The following SLCO5A1 variants were observed in gnomAD, a reference collection of about 807,000 sequenced individuals.
The protein encoded by SLCO5A1 is organic anion transporter polypeptide-related protein 4.
SLCO5A1 carries 39 observed loss-of-function variants against 65.1 expected under a neutral mutation model. The ratio of observed to expected loss-of-function variants is 0.60; its 90% CI spans 0.46 to 0.78. SLCO5A1 has a LOEUF of 0.78. Ranked by LOEUF, SLCO5A1 falls within the 30% of genes least tolerant of loss-of-function variation. SLCO5A1 has a pLI of 0.00. For missense variants in SLCO5A1, 1,029 were observed against 1,069.4 expected (o/e 0.96, Z 0.53); for synonymous variants, 438 against 415.7 (o/e 1.05, Z -0.65).
chr8:69,802,193 T>C (rs1420263627), intron 2 of SLCO5A1, among the ~76,000 whole-genome samples: 2 of 152,106 alleles, frequency 1.3e-5, no homozygotes, highest in Admixed American at 1.3e-4. Flanking sequence ...CTTAGAAAAT[T>C]CTTCAATAAA....
rs1816636875 is a variant in SLCO5A1 at position 69,738,085 on chromosome 8, C to T, written c.1378G>A (p.Glu460Lys). The T allele has an allele frequency of 1.2e-6, 2 of 1,613,774 alleles. No individual in the cohort carries two copies. The highest frequency in any genetic ancestry group is 1.7e-6 in the Non-Finnish European group (2 of 1,179,816). Residue 460 changes from glutamate to lysine, a missense_variant, in exon 5 of 10, where the codon GAG (glutamate) becomes AAG (lysine). Physicochemically the swap from Glu to Lys is moderately conservative, Grantham distance 56. Around this residue, in one of 3 missense-constraint regions of SLCO5A1, gnomAD observed 647 missense variants for 647.5 expected, o/e 1.00. Coordinates refer to ENST00000260126, the MANE Select transcript of SLCO5A1 (RefSeq NM_030958.3). The stretch of plus-strand genomic sequence containing the variant: ...GAGGCTGGGATACCAAACTGTGACT[C>T]GATGAACTTGGGAATGAAGGTAATG... ...AFITFIPKFI[E>K]SQFGIPASNA...
At chr8:69,795,797 C>T (rs868011738) in intron 2 of SLCO5A1, among the ~76,000 whole-genome samples, 3 of 152,206 alleles carry the variant, frequency 2.0e-5, no homozygotes, top group Non-Finnish European at 4.4e-5. Context: ...ATGAGGGCTC[C>T]GACCCTGCAG....
intron 2 of SLCO5A1, among the ~76,000 whole-genome samples, chr8:69,814,799 A>G (rs1648854442): frequency 6.6e-6 from 1 of 151,960 alleles, no homozygotes; most frequent in Non-Finnish European, 1.5e-5. Flanking sequence ...ATGAATGGAT[A>G]TAGAAAACTA....
At chr8:69,717,708 T>C (rs1444709160) in intron 5 of SLCO5A1, among the ~76,000 whole-genome samples, 1 of 152,226 alleles carries the variant, frequency 6.6e-6, no homozygotes, top group Admixed American at 6.5e-5. Context: ...ATCCTAATAA[T>C]ATTAAGTCTT....
intron 5 of SLCO5A1, among the ~76,000 whole-genome samples, chr8:69,714,208 G>A (rs1396048904): frequency 6.8e-6 from 1 of 146,234 alleles, no homozygotes; most frequent in Non-Finnish European, 1.5e-5. Context: ...ATTAATTTAA[G>A]GTACCTTTTT....
Position 69,738,123 on chromosome 8 carries a change from A to G in SLCO5A1, c.1340T>C (p.Ile447Thr), listed in dbSNP as rs374877005. Reference protein sequence around the residue: ...VSLSYTAESAIVTAFITFIPK... With the variant: ...VSLSYTAESATVTAFITFIPK... The stretch of plus-strand genomic sequence containing the variant: ...AATGAAGGTAATGAAAGCAGTTACA[A>G]TGGCACTCTCAGCTGTGTATGACAA... The change falls in exon 5 of 10, where the codon ATT (isoleucine) becomes ACT (threonine). Residue 447 changes from isoleucine to threonine, a missense_variant. This residue lies in a region of SLCO5A1 where 647 missense variants were observed against 647.5 expected (regional missense o/e 1.00). Coordinates refer to ENST00000260126, the MANE Select transcript of SLCO5A1 (RefSeq NM_030958.3). 13 of 1,614,006 alleles carry G rather than the reference A, an allele frequency of 8.1e-6. No homozygotes were observed. The African/African-American group carries it at 1.7e-4, about 22-fold the overall frequency.
intron 8 of SLCO5A1, 152 bp downstream of exon 8, chr8:69,679,226 C>T (rs1813666784): frequency 9.2e-7 from 1 of 1,081,326 alleles, no homozygotes; most frequent in Non-Finnish European, 1.3e-6. Context: ...AAAAATCCCT[C>T]CTAAGTTCAC....
At chr8:69,811,611 G>T (rs1031980697) in intron 2 of SLCO5A1, among the ~76,000 whole-genome samples, 1 of 152,184 alleles carries the variant, frequency 6.6e-6, no homozygotes, top group Non-Finnish European at 1.5e-5. Flanking sequence ...GACGGGCTGA[G>T]CAAGCTTACT....
intron 5 of SLCO5A1, among the ~76,000 whole-genome samples, chr8:69,711,682 A>C (rs1815269623): frequency 1.3e-5 from 2 of 152,244 alleles, no homozygotes; most frequent in African/African-American, 4.8e-5. Context: ...GCCACTTACA[A>C]GCTGCATGTC....
chr8:69,712,989 G>A (rs1815342552), intron 5 of SLCO5A1, among the ~76,000 whole-genome samples: 1 of 152,120 alleles, frequency 6.6e-6, no homozygotes, highest in African/African-American at 2.4e-5. Flanking sequence ...AAACTGATAA[G>A]CACTAAATAT....
chr8:69,774,986 G>A (rs1178959724), intron 2 of SLCO5A1, among the ~76,000 whole-genome samples: 2 of 152,182 alleles, frequency 1.3e-5, no homozygotes, highest in Non-Finnish European at 2.9e-5. Flanking sequence ...AGGCAGATAA[G>A]AGGCCTTTGA....
chr8:69,804,599 A>C (rs1199047321), intron 2 of SLCO5A1, among the ~76,000 whole-genome samples: 2 of 152,208 alleles, frequency 1.3e-5, no homozygotes, highest in Non-Finnish European at 2.9e-5. Context: ...TACAGGCATG[A>C]GCCACCGTGC....
intron 2 of SLCO5A1, among the ~76,000 whole-genome samples, chr8:69,773,485 G>A (rs1418650483): frequency 6.6e-6 from 1 of 152,134 alleles, no homozygotes; most frequent in Non-Finnish European, 1.5e-5. Flanking sequence ...GGATTCAGTT[G>A]AGAGTCCAGA....
In SLCO5A1 at chr8:69,832,797, C is replaced by G. The variant is rs1449810830; in HGVS notation, c.-124G>C. On this transcript the variant is annotated 5_prime_UTR_variant, in exon 2 of 10. Transcript: ENST00000260126. This position sits in a 1 kb window ranked among gnomAD's most constrained non-coding sequence, Gnocchi z 4.5. ...GCCCACCTGGGACTGGGGCTGGGGG[C>G]GCAGGGCCGCGCAGCAGGGCATCCT... The G allele has an allele frequency of 4.5e-6, 5 of 1,103,184 alleles. No homozygotes were observed. In the African/African-American group the frequency reaches 7.9e-5, roughly 17 times the overall value. 68.3% of individuals were successfully genotyped at this position (1,103,184 alleles called of 1,614,324 possible). A position where few individuals can be genotyped will look rare whatever the true frequency, so the allele number is the denominator to read the frequency against.
chr8:69,820,759 C>CA (rs1820600433), intron 2 of SLCO5A1, among the ~76,000 whole-genome samples: 1 of 151,930 alleles, frequency 6.6e-6, no homozygotes, highest in South Asian at 2.1e-4. Context: ...TCAAAAAGAG[C>CA]AAAATATATC....
intron 2 of SLCO5A1, among the ~76,000 whole-genome samples, chr8:69,771,309 T>C (rs576102201): frequency 1.3e-4 from 20 of 152,318 alleles, no homozygotes; most frequent in Non-Finnish European, 2.5e-4. Context: ...TTAAATGTAT[T>C]TTATCTTTTA....
At position 69,824,311 on chromosome 8, in the gene SLCO5A1, C is replaced by A. The variant is rs540638188; in HGVS notation, c.907+7456G>T. ...CTGAAGGAAATAGAGACACAAAAAACCCTTCAAAAAATTAATGAATCCAGG... is the reference window on the plus strand; with the variant it reads ...CTGAAGGAAATAGAGACACAAAAAAACCTTCAAAAAATTAATGAATCCAGG... On this transcript the variant is annotated intron_variant, in intron 2 of 9. Coordinates refer to ENST00000260126, the MANE Select transcript of SLCO5A1 (RefSeq NM_030958.3). Among the ~76,000 whole-genome samples the A allele has an allele frequency of 3.4e-3, 522 of 152,172 alleles. 3 individuals carry two copies. Among genetic ancestry groups the A allele is most frequent in the Admixed American group, 0.01 (158 of 15,280 alleles).
chr8:69,748,097 C>T (rs533702861), intron 4 of SLCO5A1, among the ~76,000 whole-genome samples: 228 of 152,224 alleles, frequency 1.5e-3, no homozygotes, highest in South Asian at 7.7e-3. Flanking sequence ...CAAAACACAC[C>T]AGCAAATGGC....
rs1420949436 is a variant in SLCO5A1, at chr8:69,670,387, C to T, written c.*2482G>A. 1.3e-5 allele frequency: 2 copies of T among 152,152 alleles called. No homozygotes were observed. The highest frequency in any genetic ancestry group is 2.9e-5 in the Non-Finnish European group (2 of 68,016). 9.4% of individuals were successfully genotyped at this position (152,152 alleles called of 1,614,324 possible). ...TAATATTCCAGTGATGCTACCATAGCCCCAAGTATTTTGTGAACCACTCTT... is the reference window on the plus strand; with the variant it reads ...TAATATTCCAGTGATGCTACCATAGTCCCAAGTATTTTGTGAACCACTCTT... On this transcript the variant is annotated 3_prime_UTR_variant, in exon 10 of 10. Transcript: ENST00000260126.
Sources: gnomAD v4.1 joint callset for allele counts (sites outside exome capture counted in the v4.1 genomes callset) on GRCh38, gnomAD v4.1.1 for gene constraint, gnomAD v4.1.1 regional missense constraint, Gnocchi (gnomAD v3.1) non-coding constraint, MANE v1.5 for transcripts, NCBI Gene and HGNC (gene_info 2026-07-23, HGNC 2026-07-21) for gene names.